The following CBLN2 variants were observed in gnomAD, a reference collection of about 807,000 sequenced individuals.
CBLN2 encodes cerebellin-2.
CBLN2 carries 7 observed loss-of-function variants against 15.0 expected under a neutral mutation model. The observed-to-expected ratio is 0.47, with a 90% confidence interval of 0.27 to 0.88. The LOEUF is 0.88. CBLN2 is among the 40% of genes least tolerant of loss of function. The pLI is 0.14. For missense variants in CBLN2, 242 were observed against 304.5 expected, an observed-to-expected ratio of 0.79 and a Z score of 1.53; for synonymous variants, 149 against 135.2, an observed-to-expected ratio of 1.10 and a Z score of -0.71.
chr18:72,560,432 C>T (rs1012863075), intron 1 of CBLN2, among the ~76,000 whole-genome samples: 8 of 151,872 alleles, frequency 5.3e-5, no homozygotes, highest in African/African-American at 1.9e-4. Context: ...CATGTTAAGA[C>T]AACCTAGAGA....
chr18:72,606,426 AACTCCCCT>A (rs1181026816), intron 1 of CBLN2, among the ~76,000 whole-genome samples: 3 of 152,164 alleles, frequency 2.0e-5, no homozygotes, highest in Admixed American at 6.5e-5. Context: ...GTAACCTGTC[AACTCCCCT>A]ACATAAGCCC....
At chr18:72,637,078 C>T (rs1016042807) in intron 1 of CBLN2, among the ~76,000 whole-genome samples, 8 of 149,232 alleles carry the variant, frequency 5.4e-5, no homozygotes, top group Non-Finnish European at 8.9e-5. Context: ...GAGAAAACAG[C>T]TGAAGCAGCA....
chr18:72,568,306 A>G (rs1381040075), intron 1 of CBLN2, among the ~76,000 whole-genome samples: 4 of 152,284 alleles, frequency 2.6e-5, no homozygotes, highest in African/African-American at 9.6e-5. Context: ...GAGACCCTCA[A>G]ATAGTTTCTG....
chr18:72,572,324 A>C (rs1306705317), intron 1 of CBLN2, among the ~76,000 whole-genome samples: 1 of 152,196 alleles, frequency 6.6e-6, no homozygotes, highest in Non-Finnish European at 1.5e-5. Flanking sequence ...TTATGCAAAA[A>C]TACGAATATA....
At chr18:72,625,843 T>TATAG (rs1299149679) in intron 1 of CBLN2, among the ~76,000 whole-genome samples, 3 of 137,958 alleles carry the variant, frequency 2.2e-5, no homozygotes, top group Non-Finnish European at 4.7e-5. Flanking sequence ...TATATATATA[T>TATAG]AGTACACACA....
chr18:72,570,956 G>T (rs1003033449), intron 1 of CBLN2, among the ~76,000 whole-genome samples: 3 of 152,076 alleles, frequency 2.0e-5, no homozygotes, highest in Non-Finnish European at 4.4e-5. Flanking sequence ...TATGAATAAT[G>T]AGGATTGACT....
intron 1 of CBLN2, among the ~76,000 whole-genome samples, chr18:72,636,592 G>A (rs1000693749): frequency 3.3e-5 from 5 of 152,226 alleles, no homozygotes; most frequent in Middle Eastern, 3.4e-3. Context: ...GAAGTCTCCC[G>A]TTCCCCGTGG....
chr18:72,592,332 A>T lies in CBLN2; in HGVS notation c.15+45993T>A, dbSNP rs555306298. On this transcript the variant is annotated intron_variant, in intron 1 of 2. Transcript: ENST00000581073. ...AAATATCCATCCAGATCTTTGGCCC[A>T]TTTTTAAATAGAATTATTGCATTTC... is the stretch of plus-strand genomic sequence containing the variant. Among the ~76,000 whole-genome samples, 418 of 151,564 alleles carry T rather than the reference A, an allele frequency of 2.8e-3. 4 individuals carry two copies. The South Asian group carries it at 0.034, about 12-fold the overall frequency.
intron 1 of CBLN2, among the ~76,000 whole-genome samples, chr18:72,626,923 C>T (rs990986041): frequency 1.3e-5 from 2 of 152,152 alleles, no homozygotes; most frequent in African/African-American, 2.4e-5. Context: ...AATATTTTGG[C>T]TTCTAATGCT....
Position 72,542,268 on chromosome 18 carries a change from C to T in CBLN2, c.-108G>A, listed in dbSNP as rs1249028578. ...GCTCGCAGCAGCCTCCGGGGGCCTT[C>T]GTCCCCGGCTCTGACGTTCAAGGCC... On this transcript the variant is annotated 5_prime_UTR_variant, in exon 3 of 5. Transcript: ENST00000269503. The T allele has an allele frequency of 1.1e-5, 7 of 647,018 alleles. No individual in the cohort carries two copies. The Admixed American group carries it at 1.5e-4, about 14-fold the overall frequency. 40.1% of individuals were successfully genotyped at this position (647,018 alleles called of 1,614,324 possible).
intron 1 of CBLN2, among the ~76,000 whole-genome samples, chr18:72,587,273 C>T (rs1291617608): frequency 1.3e-5 from 2 of 151,894 alleles, no homozygotes; most frequent in East Asian, 1.9e-4. Flanking sequence ...AATTTGAATA[C>T]ATGTATTGAT....
intron 1 of CBLN2, among the ~76,000 whole-genome samples, chr18:72,585,825 C>A (rs76924975): frequency 0.057 from 8,656 of 152,292 alleles, 253 homozygotes; most frequent in East Asian, 0.094. Flanking sequence ...CCCATTGGCA[C>A]CCAAAGTCCA....
intron 1 of CBLN2, among the ~76,000 whole-genome samples, chr18:72,607,985 A>G (rs1218932027): frequency 6.6e-6 from 1 of 152,194 alleles, no homozygotes; most frequent in Non-Finnish European, 1.5e-5. Flanking sequence ...AAGGCATATT[A>G]CCTGAACTCT....
At chr18:72,621,753 T>C (rs892183919) in intron 1 of CBLN2, among the ~76,000 whole-genome samples, 3 of 152,208 alleles carry the variant, frequency 2.0e-5, no homozygotes, top group Non-Finnish European at 4.4e-5. Flanking sequence ...AAGGAGACTG[T>C]ATCAGAGCCC....
intron 4 of CBLN2, 87 bp downstream of exon 4, chr18:72,538,566 T>C: frequency 6.4e-7 from 1 of 1,562,112 alleles, no homozygotes; most frequent in East Asian, 2.2e-5. Context: ...CCTGTCTCCC[T>C]CAGCCTCAGA....
intron 1 of CBLN2, among the ~76,000 whole-genome samples, chr18:72,615,200 AT>A (rs1488604774): frequency 4.4e-5 from 6 of 136,562 alleles, no homozygotes; most frequent in African/African-American, 8.2e-5. Flanking sequence ...ATAAATATAT[AT>A]TTATATATGT....
At chr18:72,595,980 A>G (rs1013490397) in intron 1 of CBLN2, among the ~76,000 whole-genome samples, 1 of 152,070 alleles carries the variant, frequency 6.6e-6, no homozygotes, top group East Asian at 1.9e-4. Context: ...CCTTTCAGCC[A>G]CTACATGTCT....
At chr18:72,619,087 T>C (rs991440941) in intron 1 of CBLN2, 5 of 746,938 alleles carry the variant, frequency 6.7e-6, no homozygotes, top group Non-Finnish European at 1.2e-5. Flanking sequence ...TTTGGACCCA[T>C]GAAGAGAGTA....
Position 72,572,369 on chromosome 18 carries a change from T to C in CBLN2, c.16-33597A>G, listed in dbSNP as rs1329731781. On this transcript the variant is annotated intron_variant, in intron 1 of 2. Coordinates refer to the CBLN2 transcript ENST00000581073. ...CTGTGGCTTTGGCATTTCATAGTCA[T>C]TCTGTAGCAACAGATGACTAGTGGA... Among the ~76,000 whole-genome samples, 3 of 152,312 alleles carry C rather than the reference T, an allele frequency of 2.0e-5. No homozygotes were observed. The East Asian group carries it at 5.8e-4, about 29-fold the overall frequency.
Sources: allele counts gnomAD v4.1 joint callset (sites outside exome capture counted in the v4.1 genomes callset), GRCh38; gene constraint gnomAD v4.1.1; transcripts MANE v1.5; gene names NCBI Gene and HGNC (gene_info 2026-07-23, HGNC 2026-07-21).